GPR158: variants seen among roughly 807,000 people sequenced by gnomAD.
GPR158 encodes the protein G protein-coupled receptor 158.
Under a neutral mutation model 78.2 loss-of-function variants are expected in GPR158, and 30 were observed. That is an observed-to-expected ratio of 0.38 (90% CI 0.29 to 0.52). GPR158 has a LOEUF of 0.52. Among genes scored for constraint, GPR158 ranks in the 20% least tolerant of loss-of-function variants. The pLI is 0.83. For missense variants in GPR158, 1,463 were observed against 1,523.5 expected (o/e 0.96, Z 0.66); for synonymous variants, 581 against 591.1 (o/e 0.98, Z 0.25).
At chr10:25,586,391 ATTTTTTTTTT>A (rs71399977) in intron 7 of GPR158, among the ~76,000 whole-genome samples, 1 of 70,868 alleles carries the variant, frequency 1.4e-5, no homozygotes, top group Non-Finnish European at 3.0e-5. Flanking sequence ...GTATGTGTGA[ATTTTTTTTTT>A]TTTTTTTTTT....
At chr10:25,571,666 C>T (rs996069194) in intron 6 of GPR158, among the ~76,000 whole-genome samples, 8 of 151,858 alleles carry the variant, frequency 5.3e-5, no homozygotes, top group Non-Finnish European at 1.0e-4. Flanking sequence ...TAAAATCAGC[C>T]GAGAATATTC....
intron 6 of GPR158, among the ~76,000 whole-genome samples, chr10:25,570,232 T>C (rs1836986248): frequency 6.6e-6 from 1 of 152,250 alleles, no homozygotes; most frequent in Non-Finnish European, 1.5e-5. Context: ...CTAATTACAA[T>C]GGAAACCTTC....
At chr10:25,284,598 T>C (rs1484216025) in intron 2 of GPR158, among the ~76,000 whole-genome samples, 1 of 151,960 alleles carries the variant, frequency 6.6e-6, no homozygotes, top group African/African-American at 2.4e-5. Context: ...TTAATTCATA[T>C]ATTTAAATCA....
chr10:25,205,972 C>G, intron 1 of GPR158, among the ~76,000 whole-genome samples: 1 of 142,268 alleles, frequency 7.0e-6, no homozygotes, highest in East Asian at 2.2e-4. Context: ...GAGTTCACAT[C>G]CAAATGTGGG....
intron 4 of GPR158, among the ~76,000 whole-genome samples, chr10:25,453,013 C>T (rs2130603290): frequency 6.6e-6 from 1 of 152,286 alleles, no homozygotes; most frequent in South Asian, 2.1e-4. Context: ...TTTCACTTAG[C>T]ATGTCCTCCA....
chr10:25,597,319 A>G (rs951936661), intron 10 of GPR158, among the ~76,000 whole-genome samples: 1 of 152,208 alleles, frequency 6.6e-6, no homozygotes, highest in Non-Finnish European at 1.5e-5. Flanking sequence ...CTACTCAGGG[A>G]TATGGTTCAC....
chr10:25,427,668 A>G (rs1208444759), intron 4 of GPR158, among the ~76,000 whole-genome samples: 1 of 152,106 alleles, frequency 6.6e-6, no homozygotes, highest in Non-Finnish European at 1.5e-5. Flanking sequence ...ACCTAGAAGT[A>G]CTTGCATTCT....
chr10:25,449,179 A>G (rs909332277), intron 4 of GPR158, among the ~76,000 whole-genome samples: 6 of 152,194 alleles, frequency 3.9e-5, no homozygotes, highest in Non-Finnish European at 7.3e-5. Flanking sequence ...AAGCTTTCCT[A>G]TAATCAAATC....
intron 2 of GPR158, among the ~76,000 whole-genome samples, chr10:25,376,246 A>G (rs1834078078): frequency 6.6e-6 from 1 of 151,556 alleles, no homozygotes; most frequent in Non-Finnish European, 1.5e-5. Flanking sequence ...GTTGATTTTC[A>G]TAAGTCTCTT....
chr10:25,355,467 T>C (rs1471082230), intron 2 of GPR158, among the ~76,000 whole-genome samples: 2 of 152,134 alleles, frequency 1.3e-5, no homozygotes, highest in Admixed American at 1.3e-4. Context: ...TCTTTAAAAG[T>C]GCTATTTTGA....
chr10:25,285,845 C>A (rs76535603), intron 2 of GPR158, among the ~76,000 whole-genome samples: 1,832 of 152,292 alleles, frequency 0.012, 27 homozygotes, highest in South Asian at 0.058. Context: ...CCTTTGGTTG[C>A]CCTGAGAAAA....
chr10:25,457,076 A>G (rs1588873102), intron 4 of GPR158, among the ~76,000 whole-genome samples: 1 of 150,560 alleles, frequency 6.6e-6, no homozygotes, highest in East Asian at 2.0e-4. Flanking sequence ...GGGTTCAAGC[A>G]ATTCTCCTGC....
At chr10:25,276,790 C>T (rs568843993) in intron 2 of GPR158, among the ~76,000 whole-genome samples, 48 of 152,120 alleles carry the variant, frequency 3.2e-4, no homozygotes, top group Non-Finnish European at 6.5e-4. Context: ...CTCACCTGAA[C>T]CAATTCCAGA....
At chr10:25,185,388 A>T (rs1162330753) in intron 1 of GPR158, among the ~76,000 whole-genome samples, 3 of 152,230 alleles carry the variant, frequency 2.0e-5, no homozygotes, top group African/African-American at 7.2e-5. Flanking sequence ...ATGAAATATG[A>T]ATTAATTTAC....
At chr10:25,216,725 A>AGT (rs1368486928) in intron 1 of GPR158, among the ~76,000 whole-genome samples, 1 of 152,094 alleles carries the variant, frequency 6.6e-6, no homozygotes, top group Non-Finnish European at 1.5e-5. Context: ...TCAGACTTGG[A>AGT]GTTCATGGGA....
At chr10:25,556,521 G>A (rs1300056131) in intron 6 of GPR158, among the ~76,000 whole-genome samples, 1 of 152,166 alleles carries the variant, frequency 6.6e-6, no homozygotes, top group Non-Finnish European at 1.5e-5. Context: ...GGAGGTTTCT[G>A]TCTTTACTGG....
chr10:25,338,474 C>T (rs1437601638), intron 2 of GPR158, among the ~76,000 whole-genome samples: 8 of 126,964 alleles, frequency 6.3e-5, no homozygotes, highest in Admixed American at 2.3e-4. Flanking sequence ...GTATATTATA[C>T]GTATAATATA....
chr10:25,548,463 A>C (rs1480548014), intron 5 of GPR158, among the ~76,000 whole-genome samples: 1 of 152,182 alleles, frequency 6.6e-6, no homozygotes, highest in African/African-American at 2.4e-5. Flanking sequence ...CTTATTGAAT[A>C]CTCATTGTAC....
At chr10:25,359,262 A>G (rs921535622) in intron 2 of GPR158, among the ~76,000 whole-genome samples, 40 of 151,844 alleles carry the variant, frequency 2.6e-4, no homozygotes, top group African/African-American at 8.9e-4. Context: ...TTACCTTCTT[A>G]ACAATATTTT....
Sources: gnomAD v4.1 joint callset for allele counts (sites outside exome capture counted in the v4.1 genomes callset) on GRCh38, gnomAD v4.1.1 for gene constraint, MANE v1.5 for transcripts, NCBI Gene and HGNC (gene_info 2026-07-23, HGNC 2026-07-21) for gene names.